Variants in LTBP1 observed in about 807,000 individuals in gnomAD.
The protein encoded by LTBP1 is latent-transforming growth factor beta-binding protein 1.
LTBP1 carries 129 observed loss-of-function variants against 207.6 expected under a neutral mutation model. The observed-to-expected ratio is 0.62, with a 90% confidence interval of 0.54 to 0.72. LTBP1 has a LOEUF of 0.72. LTBP1 is among the 30% of genes least tolerant of loss of function. The pLI is 0.00. For synonymous variants in LTBP1, 963 were observed against 833.7 expected, an observed-to-expected ratio of 1.16 and a Z score of -2.67; for missense variants, 2,281 against 2,217.2, an observed-to-expected ratio of 1.03 and a Z score of -0.58.
chr2:33,002,802 C>G (rs1030918851), intron 2 of LTBP1, among the ~76,000 whole-genome samples: 2 of 152,044 alleles, frequency 1.3e-5, no homozygotes, highest in Non-Finnish European at 2.9e-5. Context: ...CTCAGTCTCC[C>G]AAGTAGCTGG....
At chr2:33,122,075 T>G (rs2081159112) in intron 4 of LTBP1, among the ~76,000 whole-genome samples, 1 of 149,802 alleles carries the variant, frequency 6.7e-6, no homozygotes, top group South Asian at 2.2e-4. Flanking sequence ...GTGGGTATAG[T>G]GGATTTTGCG....
At chr2:32,986,488 G>A (rs1022694962) in intron 2 of LTBP1, among the ~76,000 whole-genome samples, 1 of 152,182 alleles carries the variant, frequency 6.6e-6, no homozygotes, top group South Asian at 2.1e-4. Context: ...GCTCTCCAGG[G>A]GTTCAAATGG....
chr2:33,288,651 C>T (rs1362886114), intron 19 of LTBP1, among the ~76,000 whole-genome samples: 8 of 152,054 alleles, frequency 5.3e-5, no homozygotes, highest in Non-Finnish European at 7.4e-5. Context: ...GTCAGGAGAT[C>T]GAGACCATCC....
chr2:33,326,645 A>ATTTAT (rs2094431703), intron 24 of LTBP1, among the ~76,000 whole-genome samples: 1 of 149,740 alleles, frequency 6.7e-6, no homozygotes, highest in Admixed American at 6.7e-5. Flanking sequence ...GATATAATTT[A>ATTTAT]TTTATTTATT....
chr2:33,245,277 G>C (rs1197018558), intron 10 of LTBP1, among the ~76,000 whole-genome samples: 2 of 152,160 alleles, frequency 1.3e-5, no homozygotes, highest in Non-Finnish European at 2.9e-5. Flanking sequence ...TTCTTCATGA[G>C]TTTACTGCCA....
intron 3 of LTBP1, among the ~76,000 whole-genome samples, chr2:33,053,432 A>C (rs571635026): frequency 1.3e-5 from 2 of 151,894 alleles, no homozygotes; most frequent in African/African-American, 2.4e-5. Context: ...AATGACATCT[A>C]TCTATCATTA....
chr2:33,327,267 C>T (rs768465561), intron 24 of LTBP1, among the ~76,000 whole-genome samples: 13 of 152,122 alleles, frequency 8.5e-5, no homozygotes, highest in Non-Finnish European at 1.8e-4. Context: ...GTCTTACTTC[C>T]GTCTTCTATC....
intron 18 of LTBP1, among the ~76,000 whole-genome samples, chr2:33,277,760 C>CCTTTCTTCCTTT (rs1553479726): frequency 3.1e-5 from 3 of 95,426 alleles, no homozygotes; most frequent in African/African-American, 1.6e-4. Flanking sequence ...TTTTTTTTTC[C>CCTTTCTTCCTTT]CTTTCTTTCT....
intron 12 of LTBP1, among the ~76,000 whole-genome samples, chr2:33,258,750 A>G (rs1362878298): frequency 6.6e-6 from 1 of 152,192 alleles, no homozygotes; most frequent in South Asian, 2.1e-4. Flanking sequence ...TATTGCAGCA[A>G]TGATTTTACT....
intron 2 of LTBP1, among the ~76,000 whole-genome samples, chr2:33,016,390 G>A (rs1285350888): frequency 6.6e-6 from 1 of 152,174 alleles, no homozygotes; most frequent in African/African-American, 2.4e-5. Flanking sequence ...TAGTCTGTCC[G>A]CAAGCCTGGA....
At chr2:33,105,634 T>C (rs1433032278) in intron 3 of LTBP1, among the ~76,000 whole-genome samples, 2 of 152,160 alleles carry the variant, frequency 1.3e-5, no homozygotes, top group Non-Finnish European at 2.9e-5. Flanking sequence ...GGTTTTATCA[T>C]GTTGGCTAGG....
chr2:33,101,771 C>T (rs900617645), intron 3 of LTBP1, among the ~76,000 whole-genome samples: 2 of 152,110 alleles, frequency 1.3e-5, no homozygotes, highest in Non-Finnish European at 2.9e-5. Context: ...TAGATAAGCT[C>T]TCCTCAGTAA....
chr2:33,169,766 C>CCAA (rs2085254435), intron 5 of LTBP1, among the ~76,000 whole-genome samples: 1 of 152,046 alleles, frequency 6.6e-6, no homozygotes, highest in African/African-American at 2.4e-5. Flanking sequence ...TCCATAAAAA[C>CCAA]CAACACGAGA....
At chr2:33,300,736 A>G (rs1394287220) in intron 21 of LTBP1, among the ~76,000 whole-genome samples, 163 bp downstream of exon 21, 2 of 152,218 alleles carry the variant, frequency 1.3e-5, no homozygotes, top group African/African-American at 2.4e-5. Flanking sequence ...AGTCAATAAA[A>G]CAAGATTGAA....
At chr2:33,358,869 C>G (rs2150001666) in intron 26 of LTBP1, among the ~76,000 whole-genome samples, 1 of 152,174 alleles carries the variant, frequency 6.6e-6, no homozygotes, top group East Asian at 1.9e-4. Flanking sequence ...CTTAGTTTTC[C>G]TAAGTAATTC....
At chr2:33,158,973 G>T (rs1336312513) in intron 5 of LTBP1, among the ~76,000 whole-genome samples, 2 of 152,194 alleles carry the variant, frequency 1.3e-5, no homozygotes, top group African/African-American at 2.4e-5. Context: ...AGGAAACACA[G>T]TTCTTTGGAG....
At chr2:33,366,037 C>G (rs1224226489) in intron 31 of LTBP1, among the ~76,000 whole-genome samples, 2 of 152,162 alleles carry the variant, frequency 1.3e-5, no homozygotes, top group Non-Finnish European at 2.9e-5. Context: ...CTAGATCTAT[C>G]TGGGTTTAAA....
At chr2:33,029,708 T>C (rs144264714) in intron 3 of LTBP1, among the ~76,000 whole-genome samples, 55 of 152,296 alleles carry the variant, frequency 3.6e-4, no homozygotes, top group African/African-American at 1.3e-3. Context: ...CCTTGCATCG[T>C]TTACATGTCA....
intron 3 of LTBP1, among the ~76,000 whole-genome samples, chr2:33,096,637 A>G (rs10166968): frequency 0.07 from 10,680 of 152,244 alleles, 495 homozygotes; most frequent in South Asian, 0.19. Context: ...TCTTAGAGTC[A>G]TTCTCACAGG....
Sources: allele counts gnomAD v4.1 joint callset (sites outside exome capture counted in the v4.1 genomes callset), GRCh38; gene constraint gnomAD v4.1.1; transcripts MANE v1.5; gene names NCBI Gene and HGNC (gene_info 2026-07-23, HGNC 2026-07-21).